RARB: variants seen among roughly 807,000 people sequenced by gnomAD.
RARB encodes the protein retinoic acid receptor beta, also known as HBV-activated protein.
A neutral mutation model predicts 51.9 loss-of-function variants in RARB; 17 were observed. That is an observed-to-expected ratio of 0.33 (90% CI 0.22 to 0.49). The LOEUF (loss-of-function observed/expected upper bound fraction) is 0.49, where lower values mean the gene tolerates loss of function less well. RARB is among the 20% of genes least tolerant of loss of function. The pLI, the probability that RARB is intolerant of heterozygous loss-of-function variation, is 0.99. For missense variants in RARB, 369 were observed against 550.8 expected (o/e 0.67, Z 3.30); for synonymous variants, 215 against 195.4 (o/e 1.10, Z -0.84).
intron 4 of RARB, among the ~76,000 whole-genome samples, chr3:25,150,581 C>T (rs1174484173): frequency 1.3e-5 from 2 of 152,164 alleles, no homozygotes; most frequent in Admixed American, 1.3e-4. Flanking sequence ...ATTTCTCCTC[C>T]ACCCTTTTAA....
intron 3 of RARB, among the ~76,000 whole-genome samples, chr3:25,112,723 A>G (rs1444333069): frequency 6.6e-6 from 1 of 152,146 alleles, no homozygotes; most frequent in Non-Finnish European, 1.5e-5. Context: ...GGCTGCAGTG[A>G]GCCATAATAG....
At chr3:25,079,092 T>C (rs959344543) in intron 3 of RARB, among the ~76,000 whole-genome samples, 8 of 152,128 alleles carry the variant, frequency 5.3e-5, no homozygotes, top group African/African-American at 1.9e-4. Flanking sequence ...GTTTTCAGTG[T>C]TGACGCTTAC....
At chr3:25,043,344 GCATTCTTACACCA>G (rs1698149838) in intron 2 of RARB, among the ~76,000 whole-genome samples, 2 of 152,192 alleles carry the variant, frequency 1.3e-5, no homozygotes, top group African/African-American at 2.4e-5. Flanking sequence ...CATAAAATTT[GCATTCTTACACCA>G]GTGACTCATT....
At chr3:25,047,467 A>C (rs909418191) in intron 2 of RARB, among the ~76,000 whole-genome samples, 53 of 152,262 alleles carry the variant, frequency 3.5e-4, no homozygotes, top group African/African-American at 1.2e-3. Context: ...AAAGAAAAGG[A>C]GTTTTTAAAG....
chr3:24,912,578 T>C (rs1194596945), intron 2 of RARB, among the ~76,000 whole-genome samples: 1 of 152,140 alleles, frequency 6.6e-6, no homozygotes, highest in Non-Finnish European at 1.5e-5. Flanking sequence ...ATAGCCAATC[T>C]TTTAATAATC....
At chr3:25,475,099 C>T (rs1240371809) in intron 2 of RARB, among the ~76,000 whole-genome samples, 2 of 152,140 alleles carry the variant, frequency 1.3e-5, no homozygotes, top group Admixed American at 6.5e-5. Flanking sequence ...GCTATGCTCA[C>T]GTGTATGATG....
At chr3:25,034,471 GAA>G (rs1697940769) in intron 2 of RARB, among the ~76,000 whole-genome samples, 1 of 152,200 alleles carries the variant, frequency 6.6e-6, no homozygotes, top group Non-Finnish European at 1.5e-5. Context: ...TGGATAGATG[GAA>G]AAGTGTATAG....
intron 5 of RARB, among the ~76,000 whole-genome samples, chr3:25,420,265 T>C (rs1489231149): frequency 6.6e-6 from 1 of 152,224 alleles, no homozygotes; most frequent in East Asian, 1.9e-4. Flanking sequence ...TGAATTTAAA[T>C]TCCATTCCCT....
rs549692176 is a variant in RARB at position 25,031,516 on chromosome 3, G to A, written c.-379-28609G>A. 9.9e-5 allele frequency among the ~76,000 whole-genome samples: 15 copies of A among 152,020 alleles called. 1 individual carries two copies. In the East Asian group the frequency reaches 2.9e-3, roughly 29 times the overall value. On this transcript the variant is annotated intron_variant, in intron 2 of 11. Transcript: ENST00000383772. ...TCTGGAGTAGAGAATTGCAGAGGTG[G>A]GTGGGTGGTGGGTAGGAAGAACATA...
chr3:25,497,412 G>A (rs2125600147), intron 2 of RARB, among the ~76,000 whole-genome samples: 1 of 152,246 alleles, frequency 6.6e-6, no homozygotes, highest in South Asian at 2.1e-4. Flanking sequence ...TCCTTAGTCT[G>A]CAAATACCAC....
chr3:25,148,163 C>G (rs997635939), intron 4 of RARB, among the ~76,000 whole-genome samples: 1 of 152,120 alleles, frequency 6.6e-6, no homozygotes, highest in African/African-American at 2.4e-5. Flanking sequence ...ACAGAAGTTG[C>G]AATGGTTAAG....
intron 2 of RARB, among the ~76,000 whole-genome samples, chr3:25,008,630 A>G (rs1697327202): frequency 6.6e-6 from 1 of 152,034 alleles, no homozygotes; most frequent in South Asian, 2.1e-4. Context: ...CTTCTCTAGT[A>G]CCTTGAAACA....
intron 2 of RARB, among the ~76,000 whole-genome samples, chr3:25,495,705 C>T (rs1696991864): frequency 6.6e-6 from 1 of 152,228 alleles, no homozygotes. Context: ...ATGCTTGACT[C>T]AGTGTGTAAC....
intron 5 of RARB, among the ~76,000 whole-genome samples, chr3:25,280,597 G>T (rs997578414): frequency 6.6e-6 from 1 of 152,046 alleles, no homozygotes; most frequent in Non-Finnish European, 1.5e-5. Context: ...AAAAAACAGT[G>T]CCTCCCACCC....
chr3:25,056,969 G>A (rs1220640458), intron 2 of RARB, among the ~76,000 whole-genome samples: 1 of 152,004 alleles, frequency 6.6e-6, no homozygotes, highest in African/African-American at 2.4e-5. Flanking sequence ...GTTAGTGTAT[G>A]AGCCTTCATT....
intron 5 of RARB, among the ~76,000 whole-genome samples, chr3:25,227,391 G>A (rs1180278137): frequency 6.6e-6 from 1 of 152,156 alleles, no homozygotes; most frequent in African/African-American, 2.4e-5. Flanking sequence ...CTGTTCATAA[G>A]TGTTAACAGG....
intron 2 of RARB, among the ~76,000 whole-genome samples, chr3:25,041,970 G>T (rs1325290713): frequency 6.6e-6 from 1 of 152,116 alleles, no homozygotes; most frequent in African/African-American, 2.4e-5. Flanking sequence ...CAAATCCGCT[G>T]TCCCCAGGGC....
At chr3:25,461,765 G>C (rs1419222651) in intron 2 of RARB, among the ~76,000 whole-genome samples, 1 of 152,062 alleles carries the variant, frequency 6.6e-6, no homozygotes, top group Non-Finnish European at 1.5e-5. Context: ...GTGAGTGGCT[G>C]GTACATCTAG....
chr3:25,012,155 G>T (rs2125280340), intron 2 of RARB, among the ~76,000 whole-genome samples: 1 of 152,078 alleles, frequency 6.6e-6, no homozygotes, highest in South Asian at 2.1e-4. Context: ...GGATTACATT[G>T]ACCCCACTAA....
Sources: gnomAD v4.1 joint callset for allele counts (sites outside exome capture counted in the v4.1 genomes callset) on GRCh38, gnomAD v4.1.1 for gene constraint, MANE v1.5 for transcripts, NCBI Gene and HGNC (gene_info 2026-07-23, HGNC 2026-07-21) for gene names.